The following AGTR1 variants were observed in gnomAD, a reference collection of about 807,000 sequenced individuals.
The protein encoded by AGTR1 is angiotensin II receptor type 1.
Under a neutral mutation model 19.4 loss-of-function variants are expected in AGTR1, and 16 were observed. The observed-to-expected ratio is 0.82, with a 90% CI of 0.56 to 1.25. The LOEUF (loss-of-function observed/expected upper bound fraction) is 1.25. AGTR1 is among the 50% of genes most tolerant of loss of function. The pLI, the probability that AGTR1 is intolerant of heterozygous loss-of-function variation, is 0.00. For missense variants in AGTR1, 373 were observed against 431.9 expected (o/e 0.86, Z 1.21); for synonymous variants, 153 against 154.9 (o/e 0.99, Z 0.09).
chr3:148,727,011 C>T (rs771714524), intron 2 of AGTR1, among the ~76,000 whole-genome samples: 9 of 152,062 alleles, frequency 5.9e-5, no homozygotes, highest in Non-Finnish European at 1.2e-4. Flanking sequence ...GGGAAAATAC[C>T]ACAGGAATCA....
At chr3:148,729,790 A>C (rs572262836) in intron 2 of AGTR1, among the ~76,000 whole-genome samples, 1 of 152,258 alleles carries the variant, frequency 6.6e-6, no homozygotes, top group East Asian at 1.9e-4. Flanking sequence ...TATGTTTAAA[A>C]ATTATGTAAT....
intron 2 of AGTR1, among the ~76,000 whole-genome samples, chr3:148,717,790 A>G (rs1488533663): frequency 6.6e-6 from 1 of 152,200 alleles, no homozygotes; most frequent in Admixed American, 6.5e-5. Context: ...CTGTAGTACA[A>G]ATTATTGTGC....
intron 2 of AGTR1, among the ~76,000 whole-genome samples, chr3:148,713,524 C>A (rs563758860): frequency 1.3e-5 from 2 of 152,090 alleles, no homozygotes; most frequent in Admixed American, 1.3e-4. Flanking sequence ...AATCAGATGC[C>A]GAGGACCCAA....
intron 2 of AGTR1, among the ~76,000 whole-genome samples, chr3:148,712,635 G>A (rs1047330561): frequency 1.3e-5 from 2 of 152,206 alleles, no homozygotes; most frequent in African/African-American, 2.4e-5. Context: ...AGTGAACAGA[G>A]TGGGAAGATA....
chr3:148,730,095 A>G (rs1020986819), intron 2 of AGTR1: 2 of 395,824 alleles, frequency 5.1e-6, no homozygotes, highest in Non-Finnish European at 4.5e-6. Flanking sequence ...GGTGTTTCCA[A>G]CAATGTTTTG....
chr3:148,724,896 A>C (rs1713843404), intron 2 of AGTR1, among the ~76,000 whole-genome samples: 1 of 152,216 alleles, frequency 6.6e-6, no homozygotes, highest in Admixed American at 6.5e-5. Context: ...TTAGCATATT[A>C]TGTTATTCTC....
intron 2 of AGTR1, among the ~76,000 whole-genome samples, chr3:148,738,417 T>C (rs1034911898): frequency 1.3e-5 from 2 of 151,974 alleles, no homozygotes; most frequent in Admixed American, 1.3e-4. Context: ...AAAAGGATAG[T>C]AAATAGGTAA....
rs1713340045 is a variant in AGTR1 at position 148,716,991 on chromosome 3, T to G, written c.-48+8964T>G. Among the ~76,000 whole-genome samples the G allele has an allele frequency of 6.6e-6, 1 of 152,084 alleles. No homozygotes were observed. On this transcript the variant is annotated intron_variant, in intron 2 of 2. Coordinates refer to ENST00000349243, the MANE Select transcript of AGTR1 (RefSeq NM_000685.5). The surrounding 1 kb of genome is among the most constrained non-coding windows in gnomAD (Gnocchi z 4.7). ...CAAAAAATAAAAATAAAAATAAATC[T>G]CAAGTCCAACAATGAATCATCTTTG...
At chr3:148,699,148 G>C (rs1712169687) in intron 1 of AGTR1, among the ~76,000 whole-genome samples, 1 of 152,102 alleles carries the variant, frequency 6.6e-6, no homozygotes, top group Non-Finnish European at 1.5e-5. Context: ...TTTGGGACTT[G>C]GCTACATTTA....
intron 2 of AGTR1, among the ~76,000 whole-genome samples, chr3:148,727,605 T>C (rs1714029922): frequency 6.6e-6 from 1 of 152,194 alleles, no homozygotes; most frequent in South Asian, 2.1e-4. Context: ...CCTGAAGTTA[T>C]GAAAAATGCT....
chr3:148,718,931 T>C (rs752767503), intron 2 of AGTR1, among the ~76,000 whole-genome samples: 2 of 152,208 alleles, frequency 1.3e-5, no homozygotes, highest in Non-Finnish European at 2.9e-5. Context: ...ATTTCCGTGT[T>C]TAAGATTATG....
chr3:148,726,856 T>A (rs1039732134), intron 2 of AGTR1, among the ~76,000 whole-genome samples: 1 of 152,170 alleles, frequency 6.6e-6, no homozygotes, highest in African/African-American at 2.4e-5. Context: ...GGCTGCACTC[T>A]GAGATAAGAA....
rs200184769 is a variant in AGTR1 at position 148,741,535 on chromosome 3, G to A, written c.500G>A (p.Arg167Gln). ...GLASLPAIIH[R>Q]NVFFIENTNI... ...GCCAGTTTGCCAGCTATAATCCATCGAAATGTATTTTTCATTGAGAACACC... is the reference window on the plus strand; with the variant it reads ...GCCAGTTTGCCAGCTATAATCCATCAAAATGTATTTTTCATTGAGAACACC... The change falls in exon 3 of 3, where the codon CGA (arginine) becomes CAA (glutamine). Residue 167 changes from arginine to glutamine, a missense_variant. By Grantham distance (43) the Arg-to-Gln change is conservative (BLOSUM62 1). Transcript: ENST00000349243. 4.9e-5 allele frequency: 79 copies of A among 1,614,078 alleles called. No homozygotes were observed. Among genetic ancestry groups the A allele is most frequent in the African/African-American group, 1.3e-4 (10 of 75,024 alleles).
rs1297712680 is a variant in AGTR1 at position 148,740,996 on chromosome 3, T to C, written c.-40T>C. 3 of 1,611,880 alleles carry C rather than the reference T, an allele frequency of 1.9e-6. No homozygotes were observed. The African/African-American group carries it at 4.0e-5, about 21-fold the overall frequency. Reference sequence around the variant, plus strand: ...TATTTTTATTTTCCCCAGGTGTATTTGATATAGTGTTTGCAACAAATTCGA... The same window carrying C: ...TATTTTTATTTTCCCCAGGTGTATTCGATATAGTGTTTGCAACAAATTCGA... On this transcript the variant is annotated 5_prime_UTR_variant, in exon 3 of 3. An upstream open reading frame in the 5' UTR loses its in-frame stop. Coordinates refer to ENST00000349243, the MANE Select transcript of AGTR1 (RefSeq NM_000685.5).
chr3:148,740,911 CTG>C (rs1201175279), intron 2 of AGTR1, 76 bp from the exon 3 acceptor site: 1 of 1,327,756 alleles, frequency 7.5e-7, no homozygotes, highest in Non-Finnish European at 1.0e-6. Flanking sequence ...ACGTTTATGA[CTG>C]AGAAATGAAT....
chr3:148,709,083 TG>T (rs1296018333), intron 2 of AGTR1, among the ~76,000 whole-genome samples: 1 of 152,188 alleles, frequency 6.6e-6, no homozygotes, highest in Non-Finnish European at 1.5e-5. Context: ...GTTCTGTCAA[TG>T]GATATCTTTA....
intron 2 of AGTR1, among the ~76,000 whole-genome samples, chr3:148,733,436 G>A (rs948938982): frequency 1.3e-5 from 2 of 151,984 alleles, no homozygotes; most frequent in Non-Finnish European, 2.9e-5. Flanking sequence ...CTCTTTTCCT[G>A]CCCAATAACT....
At position 148,741,742 on chromosome 3, in the gene AGTR1, A is replaced by C. The variant is rs762800866; in HGVS notation, c.707A>C (p.Asp236Ala). The part of the protein sequence containing the change: ...YEIQKNKPRN[D>A]DIFKIIMAIV... The stretch of plus-strand genomic sequence containing the variant: ...ATTCAGAAGAACAAACCAAGAAATG[A>C]TGATATTTTTAAGATAATTATGGCA... The change falls in exon 3 of 3, where the codon GAT becomes GCT. Residue 236 changes from aspartate (D) to alanine (A), a missense_variant. Coordinates refer to ENST00000349243, the MANE Select transcript of AGTR1 (RefSeq NM_000685.5). 1 of 1,613,924 alleles carries C rather than the reference A, an allele frequency of 6.2e-7. No homozygotes were observed. The highest frequency in any genetic ancestry group is 8.5e-7 in the Non-Finnish European group (1 of 1,179,978).
intron 2 of AGTR1, chr3:148,739,758 G>A: frequency 8.1e-7 from 1 of 1,230,278 alleles, no homozygotes; most frequent in Non-Finnish European, 1.0e-6. Context: ...ACCATGCTTG[G>A]CATGGCAGTG....
Sources: gnomAD v4.1 joint callset for allele counts (sites outside exome capture counted in the v4.1 genomes callset) on GRCh38, gnomAD v4.1.1 for gene constraint, Gnocchi (gnomAD v3.1) non-coding constraint, MANE v1.5 for transcripts, NCBI Gene and HGNC (gene_info 2026-07-23, HGNC 2026-07-21) for gene names.